Variants in MDGA2 observed in about 807,000 individuals in gnomAD.
MDGA2 encodes MAM domain containing glycosylphosphatidylinositol anchor 2, also known as MAM domain-containing glycosylphosphatidylinositol anchor protein 2.
Under a neutral mutation model 117.8 loss-of-function variants are expected in MDGA2, and 40 were observed. The ratio of observed to expected loss-of-function variants is 0.34; its 90% confidence interval spans 0.26 to 0.44. The LOEUF (loss-of-function observed/expected upper bound fraction) is 0.44. MDGA2 is among the 20% of genes least tolerant of loss of function. The pLI is 1.00. For missense variants in MDGA2, 1,123 were observed against 1,250.6 expected, an observed-to-expected ratio of 0.90 and a Z score of 1.54; for synonymous variants, 452 against 439.0, an observed-to-expected ratio of 1.03 and a Z score of -0.37.
chr14:46,924,362 G>A (rs1884246526), intron 9 of MDGA2, among the ~76,000 whole-genome samples: 1 of 151,900 alleles, frequency 6.6e-6, no homozygotes, highest in South Asian at 2.1e-4. Flanking sequence ...CACTTAAAAT[G>A]TGCTCGGATA....
rs979260741 is a variant in MDGA2, at chr14:47,315,168, A to C, written c.281-13618T>G. 2.6e-5 allele frequency among the ~76,000 whole-genome samples: 4 copies of C among 152,050 alleles called. No homozygotes were observed. The East Asian group carries it at 7.7e-4, about 29-fold the overall frequency. ...AGCTAAGCTCTATCTCCCTGACTAT[A>C]ATACTTTTTCTACTTCTACTTTACA... On this transcript the variant is annotated intron_variant, in intron 1 of 16. Coordinates refer to ENST00000399232, the MANE Select transcript of MDGA2 (RefSeq NM_001113498.3).
chr14:47,551,779 A>G (rs1165751892), intron 1 of MDGA2, among the ~76,000 whole-genome samples: 1 of 152,190 alleles, frequency 6.6e-6, no homozygotes, highest in Non-Finnish European at 1.5e-5. Flanking sequence ...ATTTGTAGCC[A>G]TATTTAAGAA....
intron 1 of MDGA2, among the ~76,000 whole-genome samples, chr14:47,362,009 CAAAAT>C (rs2138372661): frequency 6.6e-6 from 1 of 152,142 alleles, no homozygotes; most frequent in Admixed American, 6.5e-5. Context: ...TTATACTTTG[CAAAAT>C]AGAAAGTTTG....
chr14:47,638,761 T>C (rs75134723), intron 1 of MDGA2, among the ~76,000 whole-genome samples: 6,913 of 152,252 alleles, frequency 0.045, 144 homozygotes, highest in Middle Eastern at 0.068. Context: ...TAACCCTTTA[T>C]AGTCAAGTCT....
At chr14:47,230,682 C>G (rs1162738094) in intron 2 of MDGA2, among the ~76,000 whole-genome samples, 1 of 151,888 alleles carries the variant, frequency 6.6e-6, no homozygotes, top group African/African-American at 2.4e-5. Context: ...GGGTACCTTG[C>G]AACACTTGGA....
Position 46,929,599 on chromosome 14 carries a change from G to GTGTATATATA in MDGA2, c.2090-9449_2090-9440dup, listed in dbSNP as rs1367962558. 2.6e-4 allele frequency among the ~76,000 whole-genome samples: 4 copies of GTGTATATATA among 15,270 alleles called. 1 individual carries two copies. Among genetic ancestry groups the GTGTATATATA allele is most frequent in the Non-Finnish European group, 3.9e-4 (3 of 7,706 alleles). The allele number at this position is 15,270 out of a possible 152,430, so 10.0% of individuals were successfully genotyped here. ...TATATACGTGTGTGTGTGTGTGTGT[G>GTGTATATATA]TGTATATATATATATATATATATAT... On this transcript the variant is annotated intron_variant, in intron 9 of 16. Transcript: ENST00000399232.
chr14:47,219,087 C>T (rs1886205074), intron 2 of MDGA2, among the ~76,000 whole-genome samples: 1 of 151,922 alleles, frequency 6.6e-6, no homozygotes, highest in African/African-American at 2.4e-5. Flanking sequence ...TTGTGCCCTG[C>T]TATATATTTT....
At chr14:47,023,198 T>TA (rs71985853) in intron 8 of MDGA2, among the ~76,000 whole-genome samples, 9,982 of 102,702 alleles carry the variant, frequency 0.097, 491 homozygotes, top group Non-Finnish European at 0.14. Context: ...TTCCCACTCG[T>TA]AAAAAAAAAA....
At chr14:47,144,414 G>T (rs1193201181) in intron 3 of MDGA2, 140 bp from the exon 4 acceptor site, 2 of 560,522 alleles carry the variant, frequency 3.6e-6, no homozygotes, top group Admixed American at 3.5e-5. Flanking sequence ...TTTTCACTCA[G>T]CTTATTGAAT....
At chr14:47,638,558 C>T (rs1265416644) in intron 1 of MDGA2, among the ~76,000 whole-genome samples, 7 of 152,132 alleles carry the variant, frequency 4.6e-5, no homozygotes, top group Admixed American at 6.5e-5. Flanking sequence ...ACCATTACTC[C>T]GACTAAAATT....
intron 1 of MDGA2, among the ~76,000 whole-genome samples, chr14:47,605,396 A>G (rs1896724494): frequency 6.6e-6 from 1 of 152,238 alleles, no homozygotes; most frequent in South Asian, 2.1e-4. Flanking sequence ...TTTATGTACT[A>G]AAATGTAGAA....
chr14:47,328,581 T>C (rs1340059670), intron 1 of MDGA2, among the ~76,000 whole-genome samples: 2 of 152,174 alleles, frequency 1.3e-5, no homozygotes, highest in Non-Finnish European at 2.9e-5. Flanking sequence ...TGGAACTAAT[T>C]GGCAAGTGTG....
chr14:47,389,604 A>C (rs1442373910), intron 1 of MDGA2, among the ~76,000 whole-genome samples: 1 of 56,130 alleles, frequency 1.8e-5, no homozygotes, highest in South Asian at 9.9e-4. Context: ...ACACACACAC[A>C]CCCACACACA....
At chr14:47,424,519 C>T (rs137885569) in intron 1 of MDGA2, among the ~76,000 whole-genome samples, 40 of 152,194 alleles carry the variant, frequency 2.6e-4, no homozygotes, top group African/African-American at 8.4e-4. Flanking sequence ...TGTGTCAGAA[C>T]TATATCCCTT....
At chr14:47,298,888 A>T (rs185811653) in intron 2 of MDGA2, among the ~76,000 whole-genome samples, 4 of 151,732 alleles carry the variant, frequency 2.6e-5, no homozygotes, top group African/African-American at 9.7e-5. Flanking sequence ...GGGTTTCACC[A>T]CGTTAGCCAG....
chr14:47,172,975 C>G (rs1224236683), intron 3 of MDGA2, among the ~76,000 whole-genome samples: 2 of 152,108 alleles, frequency 1.3e-5, no homozygotes, highest in Non-Finnish European at 2.9e-5. Context: ...GAGCTGAAAG[C>G]CAAGGCTCGA....
chr14:46,940,910 C>G (rs1884974254), intron 9 of MDGA2, among the ~76,000 whole-genome samples: 1 of 152,054 alleles, frequency 6.6e-6, no homozygotes, highest in African/African-American at 2.4e-5. Flanking sequence ...TGGAGAGAAG[C>G]CCAGAAGGTA....
chr14:47,549,350 T>TCTCTCTC (rs370487281), intron 1 of MDGA2, among the ~76,000 whole-genome samples: 6,586 of 151,386 alleles, frequency 0.044, 495 homozygotes, highest in African/African-American at 0.15. Flanking sequence ...ATTATCTCTC[T>TCTCTCTC]CTCTCTCTCT....
At chr14:47,001,140 G>C (rs1461470590) in intron 8 of MDGA2, among the ~76,000 whole-genome samples, 1 of 151,870 alleles carries the variant, frequency 6.6e-6, no homozygotes, top group Non-Finnish European at 1.5e-5. Context: ...TCAGGAACAA[G>C]ATGGAAAAAA....
Sources: gnomAD v4.1 joint callset for allele counts (sites outside exome capture counted in the v4.1 genomes callset) on GRCh38, gnomAD v4.1.1 for gene constraint, MANE v1.5 for transcripts, NCBI Gene and HGNC (gene_info 2026-07-23, HGNC 2026-07-21) for gene names.